PMS1: variants seen among roughly 807,000 people sequenced by gnomAD.
The protein encoded by PMS1 is PMS1 homolog 1, mismatch repair system component, also known as PMS1 protein homolog 1.
PMS1 carries 79 observed loss-of-function variants against 93.1 expected under a neutral mutation model. That is an observed-to-expected ratio of 0.85 (90% confidence interval 0.71 to 1.02). The LOEUF (loss-of-function observed/expected upper bound fraction) is 1.02, where lower values mean the gene tolerates loss of function less well. Among genes scored for constraint, PMS1 ranks in the 50% least tolerant of loss-of-function variants. PMS1 has a pLI of 0.00. For synonymous variants in PMS1, 335 were observed against 363.4 expected (o/e 0.92, Z 0.89); for missense variants, 1,064 against 1,085.3 (o/e 0.98, Z 0.28).
At position 189,877,598 on chromosome 2, in the gene PMS1, G is replaced by C; in HGVS notation, c.*162G>C. 1 of 599,168 alleles carries C rather than the reference G, an allele frequency of 1.7e-6. No homozygotes were observed. The highest frequency in any genetic ancestry group is 2.1e-5 in the South Asian group (1 of 48,422). The allele number at this position is 599,168 out of a possible 1,614,324, so 37.1% of individuals were successfully genotyped here. ...ATTGAAAAAAGTTCCACGTATTGTAGAAAACGTAAATAAACTAATATAGAC... is the reference window on the plus strand; with the variant it reads ...ATTGAAAAAAGTTCCACGTATTGTACAAAACGTAAATAAACTAATATAGAC... On this transcript the variant is annotated 3_prime_UTR_variant, in exon 13 of 13. Transcript: ENST00000441310.
At chr2:189,839,032 C>T (rs1241622812) in intron 5 of PMS1, among the ~76,000 whole-genome samples, 1 of 151,934 alleles carries the variant, frequency 6.6e-6, no homozygotes, top group African/African-American at 2.4e-5. Flanking sequence ...CTCTCTGTTG[C>T]CCACATTGGA....
chr2:189,840,524 G>A (rs2106402619), intron 5 of PMS1, among the ~76,000 whole-genome samples: 1 of 152,276 alleles, frequency 6.6e-6, no homozygotes, highest in Admixed American at 6.5e-5. Context: ...CATACTTTAT[G>A]TCTTTTTTCT....
Position 189,806,145 on chromosome 2 carries a change from T to G in PMS1, c.418+391T>G, listed in dbSNP as rs1198104870. The stretch of plus-strand genomic sequence containing the variant: ...ACGATACCATCAAGATATGATTAAA[T>G]AATTTAAAATCTATTTGTTAATTGA... On this transcript the variant is annotated intron_variant, in intron 4 of 12. Coordinates refer to ENST00000441310, the MANE Select transcript of PMS1 (RefSeq NM_000534.5). 8.7e-6 allele frequency: 3 copies of G among 344,870 alleles called. No individual in the cohort carries two copies. In the East Asian group the frequency reaches 1.4e-4, roughly 17 times the overall value. The allele number at this position is 344,870 out of a possible 1,614,324, so 21.4% of individuals were successfully genotyped here.
chr2:189,795,290 GA>G (rs1366042096), intron 2 of PMS1, among the ~76,000 whole-genome samples: 1 of 151,164 alleles, frequency 6.6e-6, no homozygotes, highest in Non-Finnish European at 1.5e-5. Context: ...AGCAAAATAA[GA>G]AAACAAAAAA....
At chr2:189,859,790 A>G (rs1044401265) in intron 9 of PMS1, among the ~76,000 whole-genome samples, 1 of 152,016 alleles carries the variant, frequency 6.6e-6, no homozygotes, top group Non-Finnish European at 1.5e-5. Flanking sequence ...ATTTATCCAA[A>G]TTTGTCTTTT....
intron 5 of PMS1, among the ~76,000 whole-genome samples, chr2:189,819,249 CTG>C (rs1175791864): frequency 6.6e-6 from 1 of 152,150 alleles, no homozygotes; most frequent in Admixed American, 6.5e-5. Context: ...TAGTATTCCA[CTG>C]TGTATACATA....
intron 5 of PMS1, 63 bp from the exon 6 acceptor site, chr2:189,843,897 TACTG>T (rs1212864366): frequency 1.7e-5 from 23 of 1,379,374 alleles, no homozygotes; most frequent in Non-Finnish European, 2.1e-5. Flanking sequence ...AGGAATAAAA[TACTG>T]ACTTCTTGAG....
chr2:189,829,059 A>G (rs771766025), intron 5 of PMS1, among the ~76,000 whole-genome samples: 4 of 152,128 alleles, frequency 2.6e-5, no homozygotes, highest in Non-Finnish European at 2.9e-5. Context: ...GGATTGCCCA[A>G]TGACTTAAAC....
chr2:189,860,050 G>A (rs1400658962), intron 9 of PMS1, among the ~76,000 whole-genome samples: 2 of 151,986 alleles, frequency 1.3e-5, no homozygotes, highest in East Asian at 1.9e-4. Context: ...CTGATTGTTT[G>A]TGGCCCCACA....
chr2:189,826,604 A>G (rs1391535105), intron 5 of PMS1, among the ~76,000 whole-genome samples: 2 of 152,140 alleles, frequency 1.3e-5, no homozygotes, highest in Non-Finnish European at 1.5e-5. Context: ...GTGTAGTTTT[A>G]TGTTTGTAAG....
At chr2:189,799,076 C>G (rs1398084028) in intron 3 of PMS1, among the ~76,000 whole-genome samples, 3 of 152,128 alleles carry the variant, frequency 2.0e-5, no homozygotes, top group African/African-American at 7.2e-5. Flanking sequence ...ATTACTTAAA[C>G]CCACTTGATA....
intron 9 of PMS1, among the ~76,000 whole-genome samples, chr2:189,862,628 G>T (rs1347067189): frequency 6.6e-6 from 1 of 152,122 alleles, no homozygotes; most frequent in South Asian, 2.1e-4. Flanking sequence ...GTTCTACCAG[G>T]TATTTAAATT....
chr2:189,837,720 T>C (rs1041708941), intron 5 of PMS1, among the ~76,000 whole-genome samples: 5 of 152,138 alleles, frequency 3.3e-5, no homozygotes, highest in African/African-American at 1.2e-4. Context: ...TATGCCAACA[T>C]AAAAACATGA....
chr2:189,830,494 G>C (rs1020673273), intron 5 of PMS1, among the ~76,000 whole-genome samples: 1 of 151,846 alleles, frequency 6.6e-6, no homozygotes, highest in Non-Finnish European at 1.5e-5. Flanking sequence ...CTGTCCCCCC[G>C]CTTCCCCACT....
chr2:189,786,431 CATTT>C (rs2048353657), intron 1 of PMS1, among the ~76,000 whole-genome samples: 2 of 152,264 alleles, frequency 1.3e-5, no homozygotes, highest in East Asian at 3.9e-4. Context: ...GTTTGGGAAA[CATTT>C]AGATAGTAGG....
intron 6 of PMS1, among the ~76,000 whole-genome samples, chr2:189,848,139 T>G (rs917480544): frequency 1.3e-5 from 2 of 152,204 alleles, no homozygotes; most frequent in Non-Finnish European, 2.9e-5. Flanking sequence ...ACTGTCTGAA[T>G]TCTGCTGGAT....
chr2:189,796,421 T>C (rs953700575), intron 3 of PMS1, among the ~76,000 whole-genome samples: 3 of 152,192 alleles, frequency 2.0e-5, no homozygotes, highest in Non-Finnish European at 4.4e-5. Flanking sequence ...AATGTACAAT[T>C]CAGTGGCAGT....
chr2:189,810,312 G>A (rs2050724932), intron 4 of PMS1, among the ~76,000 whole-genome samples: 1 of 152,196 alleles, frequency 6.6e-6, no homozygotes, highest in South Asian at 2.1e-4. Flanking sequence ...AAAACTTGTA[G>A]TCTTTAAACT....
intron 7 of PMS1, among the ~76,000 whole-genome samples, 176 bp from the exon 8 acceptor site, chr2:189,853,763 C>G (rs574311968): frequency 7.9e-5 from 12 of 152,136 alleles, no homozygotes; most frequent in Non-Finnish European, 1.6e-4. Flanking sequence ...GTGATCCCCC[C>G]ACCTTGGCCT....
Sources: allele counts gnomAD v4.1 joint callset (sites outside exome capture counted in the v4.1 genomes callset), GRCh38; gene constraint gnomAD v4.1.1; transcripts MANE v1.5; gene names NCBI Gene and HGNC (gene_info 2026-07-23, HGNC 2026-07-21).